DLX6: variants seen among roughly 807,000 people sequenced by gnomAD.
DLX6 encodes homeobox protein DLX-6.
A neutral mutation model predicts 33.5 loss-of-function variants in DLX6; 4 were observed. The observed-to-expected ratio is 0.12, with a 90% CI of 0.06 to 0.27. The LOEUF is 0.27. Ranked by LOEUF, DLX6 falls within the 10% of genes least tolerant of loss-of-function variation. The pLI is 1.00. For missense variants in DLX6, 382 were observed against 393.3 expected (o/e 0.97, Z 0.24); for synonymous variants, 184 against 164.8 (o/e 1.12, Z -0.89).
intron 1 of DLX6, 139 bp downstream of exon 1, chr7:97,006,552 T>G: frequency 2.3e-6 from 2 of 861,428 alleles, no homozygotes; most frequent in Non-Finnish European, 3.0e-6. Flanking sequence ...CCGGGCCCCG[T>G]GCGCGCCCGC....
chr7:97,006,550 C>G (rs995454163), intron 1 of DLX6, 137 bp downstream of exon 1: 109 of 889,000 alleles, frequency 1.2e-4, no homozygotes, highest in Admixed American at 1.4e-4. Flanking sequence ...GGCCGGGCCC[C>G]GTGCGCGCCC....
In DLX6 at chr7:97,005,769, T is replaced by G; in HGVS notation, c.-209T>G. The G allele has an allele frequency of 3.8e-6, 1 of 266,116 alleles. No homozygotes were observed. The highest frequency in any genetic ancestry group is 6.8e-6 in the Non-Finnish European group (1 of 146,952). The allele number at this position is 266,116 out of a possible 1,614,324, so 16.5% of individuals were successfully genotyped here. A position where few individuals can be genotyped will look rare whatever the true frequency, so the allele number is the denominator to read the frequency against. On this transcript the variant is annotated 5_prime_UTR_variant, in exon 1 of 3. Coordinates refer to ENST00000518156, the MANE Select transcript of DLX6 (RefSeq NM_005222.4). ...ACAAGGCCCCGCTCACTATATCTCTTTATATTAAATATATATATATATTAG... is the reference window on the plus strand; with the variant it reads ...ACAAGGCCCCGCTCACTATATCTCTGTATATTAAATATATATATATATTAG...
In DLX6 at chr7:97,006,190, G is replaced by A; in HGVS notation, c.213G>A (p.Leu71=). The change falls in exon 1 of 3, where the codon CTG becomes CTA. Residue 71 remains leucine, a synonymous_variant. Coordinates refer to ENST00000518156, the MANE Select transcript of DLX6 (RefSeq NM_005222.4). ...SPAMAGAHYP[L]HCLHSAAAAA... Reference sequence around the variant, plus strand: ...CCATGGCAGGCGCGCACTACCCTCTGCACTGCCTGCACTCGGCGGCGGCGG... The same window carrying A: ...CCATGGCAGGCGCGCACTACCCTCTACACTGCCTGCACTCGGCGGCGGCGG... The A allele has an allele frequency of 6.6e-7, 1 of 1,515,726 alleles. No homozygotes were observed. The highest frequency in any genetic ancestry group is 8.9e-7 in the Non-Finnish European group (1 of 1,127,010). 93.9% of individuals were successfully genotyped at this position (1,515,726 alleles called of 1,614,324 possible). A position where few individuals can be genotyped will look rare whatever the true frequency, so the allele number is the denominator to read the frequency against.
Position 97,006,102 on chromosome 7 carries a change from A to G in DLX6, c.125A>G (p.Gln42Arg). 4 of 1,551,442 alleles carry G rather than the reference A, an allele frequency of 2.6e-6. No individual in the cohort carries two copies. The highest frequency in any genetic ancestry group is 2.6e-6 in the Non-Finnish European group (3 of 1,148,508). The change falls in exon 1 of 3, where the codon CAG becomes CGG. Residue 42 changes from glutamine to arginine, a missense_variant. Coordinates refer to ENST00000518156, the MANE Select transcript of DLX6 (RefSeq NM_005222.4). ...CAGCAGCAGCAGCAGCAGCAGCAAC[A>G]GCAACAGCCGCCGCCGCCGCCGCCG... ...QQQQQQQQQQ[Q>R]QQPPPPPPPP...
chr7:97,010,153 C>T lies in DLX6; in HGVS notation c.*106C>T. 1 of 1,386,036 alleles carries T rather than the reference C, an allele frequency of 7.2e-7. No individual in the cohort carries two copies. The highest frequency in any genetic ancestry group is 1.5e-5 in the South Asian group (1 of 66,068). The allele number at this position is 1,386,036 out of a possible 1,614,324, so 85.9% of individuals were successfully genotyped here. A position where few individuals can be genotyped will look rare whatever the true frequency, so the allele number is the denominator to read the frequency against. ...CCAAAGGAGCAGGCTTAGGAGAGCT[C>T]ATAAGTGTGGCAAGAAGCCGACTAG... On this transcript the variant is annotated 3_prime_UTR_variant, in exon 3 of 3. Coordinates refer to ENST00000518156, the MANE Select transcript of DLX6 (RefSeq NM_005222.4).
At chr7:97,007,868 G>A (rs1789772166) in intron 2 of DLX6, 37 bp downstream of exon 2, 1 of 1,523,186 alleles carries the variant, frequency 6.6e-7, no homozygotes, top group Non-Finnish European at 8.8e-7. Flanking sequence ...CTGAAATGCT[G>A]GTACCGCTTG....
At position 97,010,063 on chromosome 7, in the gene DLX6, A is replaced by G; in HGVS notation, c.*16A>G. 1 of 1,573,028 alleles carries G rather than the reference A, an allele frequency of 6.4e-7. No homozygotes were observed. ...GATGATGTGAGTTGCCCAAGGGAAC[A>G]CCCTAGGGAAACGTCTGAACAAGGA... On this transcript the variant is annotated 3_prime_UTR_variant, in exon 3 of 3. Transcript: ENST00000518156.
In DLX6 at chr7:97,005,874, A is replaced by C; in HGVS notation, c.-104A>C. ...TTTTTTTTTTTTTTTTTTTGCAAGG[A>C]TCCAAAGAGCTAAGGTGGCTGCAGA... On this transcript the variant is annotated 5_prime_UTR_variant, in exon 1 of 3. Coordinates refer to ENST00000518156, the MANE Select transcript of DLX6 (RefSeq NM_005222.4). 3.0e-6 allele frequency: 1 copy of C among 330,956 alleles called. No individual in the cohort carries two copies. Among genetic ancestry groups the C allele is most frequent in the Non-Finnish European group, 4.8e-6 (1 of 208,514 alleles). The allele number at this position is 330,956 out of a possible 1,614,324, so 20.5% of individuals were successfully genotyped here.
rs1304561604 is a variant in DLX6 at position 97,006,368 on chromosome 7, T to C, written c.391T>C (p.Tyr131His). The change falls in exon 1 of 3, where the codon TAC (tyrosine) becomes CAC (histidine). Residue 131 changes from tyrosine (Y) to histidine (H), a missense_variant. Tyr to His is a moderately conservative substitution (Grantham distance 83, BLOSUM62 2). This residue lies in a region of DLX6 where 257 missense variants were observed against 206.9 expected (regional missense o/e 1.24). Coordinates refer to ENST00000518156, the MANE Select transcript of DLX6 (RefSeq NM_005222.4). ...HSQHSPYLQS[Y>H]HNSSAAAQTR... ...GCAGCACAGCCCTTACCTCCAGTCC[T>C]ACCACAACAGCAGCGCAGCCGCCCA... 4 of 1,467,460 alleles carry C rather than the reference T, an allele frequency of 2.7e-6. No individual in the cohort carries two copies. The highest frequency in any genetic ancestry group is 3.6e-6 in the Non-Finnish European group (4 of 1,101,242). 90.9% of individuals were successfully genotyped at this position (1,467,460 alleles called of 1,614,324 possible). A position where few individuals can be genotyped will look rare whatever the true frequency, so the allele number is the denominator to read the frequency against.
intron 2 of DLX6, 81 bp downstream of exon 2, chr7:97,007,912 T>C (rs2115871805): frequency 6.5e-6 from 9 of 1,387,274 alleles, no homozygotes; most frequent in African/African-American, 1.5e-5. Flanking sequence ...GGAGGAATTG[T>C]TGGCCTAGTC....
At chr7:97,007,949 C>A in intron 2 of DLX6, 118 bp downstream of exon 2, 1 of 1,059,680 alleles carries the variant, frequency 9.4e-7, no homozygotes, top group Non-Finnish European at 1.3e-6. Context: ...AGCTTAATGA[C>A]AAATGCCTTT....
Position 97,010,035 on chromosome 7 carries a change from A to G in DLX6, c.870A>G (p.Pro290=). 1 of 1,594,828 alleles carries G rather than the reference A, an allele frequency of 6.3e-7. No individual in the cohort carries two copies. The highest frequency in any genetic ancestry group is 8.5e-7 in the Non-Finnish European group (1 of 1,170,288). Residue 290 remains proline, a synonymous_variant, in exon 3 of 3, where the codon CCA becomes CCG. Coordinates refer to ENST00000518156, the MANE Select transcript of DLX6 (RefSeq NM_005222.4). ...CACACCAGGACACGATGCAGAGACCACAGATGATGTGAGTTGCCCAAGGGA... is the reference window on the plus strand; with the variant it reads ...CACACCAGGACACGATGCAGAGACCGCAGATGATGTGAGTTGCCCAAGGGA... ...SSPHQDTMQR[P]QMM is the part of the protein sequence containing the mutation.
Position 97,009,987 on chromosome 7 carries a change from C to G in DLX6, c.822C>G (p.Gly274=), listed in dbSNP as rs984670364. Residue 274 remains glycine, a synonymous_variant, in exon 3 of 3, where the codon GGC becomes GGG. Transcript: ENST00000518156. The part of the protein sequence containing the change: ...VSMPPNSYMP[G]YSHWYSSPHQ... ...TGCCCCCCAACAGCTACATGCCTGG[C>G]TATTCTCACTGGTACTCCTCTCCAC... 5 of 1,611,090 alleles carry G rather than the reference C, an allele frequency of 3.1e-6. No individual in the cohort carries two copies. In the Admixed American group the frequency reaches 6.7e-5, roughly 22 times the overall value.
rs755406705 is a variant in DLX6, at chr7:97,006,132, CGCCGCA to C, written c.162_167del (p.Gln54_Pro55del). ...CAGCCGCCGCCGCCGCCGCCGCCGC[CGCCGCA>C]GCCGCACTCGCAGCAGAGCTCCCCG... On this transcript the variant is annotated inframe_deletion, in exon 1 of 3. Coordinates refer to ENST00000518156, the MANE Select transcript of DLX6 (RefSeq NM_005222.4). The C allele has an allele frequency of 1.4e-5, 21 of 1,538,766 alleles. No homozygotes were observed. Among genetic ancestry groups the C allele is most frequent in the South Asian group, 6.0e-5 (5 of 83,608 alleles).
chr7:97,010,365 G>GT lies in DLX6; in HGVS notation c.*318_*319insT, dbSNP rs1265537101. Reference sequence around the variant, plus strand: ...ATCTTGCATCTCAGAGAGAGAGAAAGAGCATGTGTGAGAGAGAAACTGGTT... The same window carrying GT: ...ATCTTGCATCTCAGAGAGAGAGAAAGTAGCATGTGTGAGAGAGAAACTGGTT... On this transcript the variant is annotated 3_prime_UTR_variant, in exon 3 of 3. Transcript: ENST00000518156. The GT allele has an allele frequency of 2.9e-5, 8 of 271,626 alleles. No individual in the cohort carries two copies. The allele number at this position is 271,626 out of a possible 1,614,324, so 16.8% of individuals were successfully genotyped here.
rs377688666 is a variant in DLX6 at position 97,009,945 on chromosome 7, G to C, written c.780G>C (p.Ser260=). ...ALPPVWDVSA[S]AKGVSMPPNS... is the part of the protein sequence containing the mutation. ...CTCCAGTCTGGGACGTTTCTGCCTCGGCCAAGGGTGTCAGTATGCCCCCCA... is the reference window on the plus strand; with the variant it reads ...CTCCAGTCTGGGACGTTTCTGCCTCCGCCAAGGGTGTCAGTATGCCCCCCA... The change falls in exon 3 of 3, where the codon TCG becomes TCC. Residue 260 remains serine (S), a synonymous_variant. Coordinates refer to ENST00000518156, the MANE Select transcript of DLX6 (RefSeq NM_005222.4). The C allele has an allele frequency of 9.3e-6, 15 of 1,613,806 alleles. No homozygotes were observed. Among genetic ancestry groups the C allele is most frequent in the Non-Finnish European group, 1.2e-5 (14 of 1,179,828 alleles).
At position 97,005,777 on chromosome 7, in the gene DLX6, A is replaced by AAT. The variant is rs1038111063; in HGVS notation, c.-188_-187dup. ...CCGCTCACTATATCTCTTTATATTA[A>AAT]ATATATATATATATTAGAGAAGAGC... On this transcript the variant is annotated 5_prime_UTR_variant, in exon 1 of 3. Transcript: ENST00000518156. The AAT allele has an allele frequency of 4.4e-4, 119 of 267,868 alleles. No homozygotes were observed. The highest frequency in any genetic ancestry group is 1.5e-3 in the East Asian group (24 of 15,856). 16.6% of individuals were successfully genotyped at this position (267,868 alleles called of 1,614,324 possible). A position where few individuals can be genotyped will look rare whatever the true frequency, so the allele number is the denominator to read the frequency against.
intron 2 of DLX6, 144 bp from the exon 3 acceptor site, chr7:97,009,651 CG>C: frequency 1.7e-6 from 2 of 1,160,050 alleles, no homozygotes; most frequent in Non-Finnish European, 2.4e-6. Context: ...TGGAAGGAGG[CG>C]GGGACTTGGC....
At chr7:97,007,174 C>G (rs533020592) in intron 1 of DLX6, 1 of 303,324 alleles carries the variant, frequency 3.3e-6, no homozygotes, top group Non-Finnish European at 6.1e-6. Context: ...AGAGTCATTT[C>G]AAAACATGCC....
Sources: allele counts gnomAD v4.1 joint callset, GRCh38; gene constraint gnomAD v4.1.1; regional missense constraint gnomAD v4.1.1; transcripts MANE v1.5; gene names NCBI Gene and HGNC (gene_info 2026-07-23, HGNC 2026-07-21).